NUDT3: variants seen among roughly 807,000 people sequenced by gnomAD.
NUDT3 encodes the protein diphosphoinositol polyphosphate phosphohydrolase 1.
In NUDT3, 9 loss-of-function variants were observed where a neutral mutation model predicts 23.6. That is an observed-to-expected ratio of 0.38 (90% CI 0.23 to 0.66). The LOEUF (loss-of-function observed/expected upper bound fraction) is 0.66, where lower values mean the gene tolerates loss of function less well. NUDT3 is among the 30% of genes least tolerant of loss of function. NUDT3 has a pLI of 0.52. For missense variants in NUDT3, 172 were observed against 218.5 expected (o/e 0.79, Z 1.34); for synonymous variants, 86 against 82.6 (o/e 1.04, Z -0.22).
rs1763274286 is a variant in NUDT3 at position 34,281,116 on chromosome 6, T to C, written c.*7637A>G. The C allele has an allele frequency of 6.6e-6, 1 of 152,180 alleles. No individual in the cohort carries two copies. 9.4% of individuals were successfully genotyped at this position (152,180 alleles called of 1,614,324 possible). On this transcript the variant is annotated 3_prime_UTR_variant, in exon 5 of 5. Coordinates refer to ENST00000607016, the MANE Select transcript of NUDT3 (RefSeq NM_006703.4). ...TTTATAAGTAGAATGGTCCCAGGGA[T>C]GTTAACCTTTCTGATGCTGATAGTA...
At chr6:34,330,103 T>C (rs932148557) in intron 2 of NUDT3, among the ~76,000 whole-genome samples, 4 of 152,242 alleles carry the variant, frequency 2.6e-5, no homozygotes, top group Non-Finnish European at 5.9e-5. Flanking sequence ...AGTGCTGCAA[T>C]AAACATACGT....
At chr6:34,322,527 T>C (rs1211011054) in intron 2 of NUDT3, among the ~76,000 whole-genome samples, 1 of 152,042 alleles carries the variant, frequency 6.6e-6, no homozygotes, top group East Asian at 1.9e-4. Context: ...CTGCGCCCGG[T>C]CACTGGACTC....
At chr6:34,370,915 C>A (rs1447934000) in intron 1 of NUDT3, among the ~76,000 whole-genome samples, 1 of 150,412 alleles carries the variant, frequency 6.6e-6, no homozygotes, top group Non-Finnish European at 1.5e-5. Flanking sequence ...ACCAGCCTAA[C>A]CAACATGGTG....
intron 2 of NUDT3, among the ~76,000 whole-genome samples, chr6:34,338,656 T>C (rs780393130): frequency 9.2e-5 from 14 of 152,216 alleles, no homozygotes; most frequent in Non-Finnish European, 1.6e-4. Context: ...ACAGCTTCAC[T>C]TTCCCACAGA....
At chr6:34,347,484 C>T (rs1764392826) in intron 1 of NUDT3, among the ~76,000 whole-genome samples, 1 of 152,196 alleles carries the variant, frequency 6.6e-6, no homozygotes, top group South Asian at 2.1e-4. Context: ...ATAGGTGGCT[C>T]TGCAGAGCAG....
chr6:34,340,534 G>A (rs1040279779), intron 2 of NUDT3, among the ~76,000 whole-genome samples: 1 of 152,126 alleles, frequency 6.6e-6, no homozygotes, highest in Admixed American at 6.6e-5. Flanking sequence ...GGATTCCCAC[G>A]TCAATGTTCT....
chr6:34,382,066 CT>C (rs1765028007), intron 1 of NUDT3, among the ~76,000 whole-genome samples: 1 of 109,726 alleles, frequency 9.1e-6, no homozygotes, highest in Non-Finnish European at 1.7e-5. Flanking sequence ...GAGCGAGACT[CT>C]ATCTCAAAAA....
Position 34,365,201 on chromosome 6 carries a change from G to A in NUDT3, c.100-23229C>T, listed in dbSNP as rs554554196. Reference sequence around the variant, plus strand: ...TCCCAGCACTTTGGGAGGCCAAGGCGGGTGGATCACCTGAAGCCAGGAGTC... The same window carrying A: ...TCCCAGCACTTTGGGAGGCCAAGGCAGGTGGATCACCTGAAGCCAGGAGTC... On this transcript the variant is annotated intron_variant, in intron 1 of 4. Coordinates refer to ENST00000607016, the MANE Select transcript of NUDT3 (RefSeq NM_006703.4). 1.3e-4 allele frequency among the ~76,000 whole-genome samples: 20 copies of A among 151,754 alleles called. No homozygotes were observed. The South Asian group carries it at 3.8e-3, about 28-fold the overall frequency.
chr6:34,358,292 C>CACACACACACACA (rs1561917553), intron 1 of NUDT3, among the ~76,000 whole-genome samples: 1 of 149,952 alleles, frequency 6.7e-6, no homozygotes, highest in Non-Finnish European at 1.5e-5. Flanking sequence ...CACACACACA[C>CACACACACACACA]CCCTTATAAT....
chr6:34,295,566 T>C (rs1763486564), intron 3 of NUDT3, 75 bp downstream of exon 3: 8 of 1,478,184 alleles, frequency 5.4e-6, no homozygotes, highest in Non-Finnish European at 7.4e-6. Context: ...GAAACAGAAA[T>C]GGCATTTTTC....
At position 34,373,197 on chromosome 6, in the gene NUDT3, T is replaced by A. The variant is rs1764861450; in HGVS notation, c.99+19067A>T. Reference sequence around the variant, plus strand: ...GAGAGGCTGAGGCAGGAGAATAGCATGAACCCAGGAGACGGAGTTTGCAGT... The same window carrying A: ...GAGAGGCTGAGGCAGGAGAATAGCAAGAACCCAGGAGACGGAGTTTGCAGT... On this transcript the variant is annotated intron_variant, in intron 1 of 4. Coordinates refer to ENST00000607016, the MANE Select transcript of NUDT3 (RefSeq NM_006703.4). Among the ~76,000 whole-genome samples the A allele has an allele frequency of 2.7e-5, 4 of 148,934 alleles. No individual in the cohort carries two copies. In the South Asian group the frequency reaches 8.4e-4, roughly 31 times the overall value.
chr6:34,294,498 G>A (rs1763469765), intron 3 of NUDT3, among the ~76,000 whole-genome samples: 1 of 151,952 alleles, frequency 6.6e-6, no homozygotes, highest in African/African-American at 2.4e-5. Context: ...AGGCCAAGGT[G>A]GGTGGATCAC....
rs893373299 is a variant in NUDT3 at position 34,392,628 on chromosome 6, G to A, written c.-266C>T. 12 of 250,820 alleles carry A rather than the reference G, an allele frequency of 4.8e-5. No individual in the cohort carries two copies. Among genetic ancestry groups the A allele is most frequent in the African/African-American group, 6.8e-5 (3 of 44,020 alleles). The allele number at this position is 250,820 out of a possible 1,614,324, so 15.5% of individuals were successfully genotyped here. On this transcript the variant is annotated 5_prime_UTR_variant, in exon 1 of 5. Coordinates refer to ENST00000607016, the MANE Select transcript of NUDT3 (RefSeq NM_006703.4). ...CCCCTCTGCCGCCGCCACCCCCGACGACGACCGCGCCGCCATCTTGGGCGC... is the reference window on the plus strand; with the variant it reads ...CCCCTCTGCCGCCGCCACCCCCGACAACGACCGCGCCGCCATCTTGGGCGC...
intron 2 of NUDT3, among the ~76,000 whole-genome samples, chr6:34,332,896 C>T (rs978929961): frequency 2.6e-5 from 4 of 152,160 alleles, no homozygotes; most frequent in African/African-American, 9.7e-5. Context: ...GAAGACAGAA[C>T]GGTTTCAGAC....
chr6:34,298,731 C>A (rs533787428), intron 2 of NUDT3, among the ~76,000 whole-genome samples: 49 of 152,184 alleles, frequency 3.2e-4, no homozygotes, highest in Non-Finnish European at 6.9e-4. Flanking sequence ...CAGGTGCATG[C>A]CACCACACAT....
intron 1 of NUDT3, among the ~76,000 whole-genome samples, chr6:34,386,965 A>C (rs1765116948): frequency 1.3e-5 from 2 of 152,190 alleles, no homozygotes; most frequent in African/African-American, 4.8e-5. Context: ...AAATACAAAA[A>C]TTAGCCAGGC....
At chr6:34,320,168 A>G (rs902351154) in intron 2 of NUDT3, among the ~76,000 whole-genome samples, 2 of 152,148 alleles carry the variant, frequency 1.3e-5, no homozygotes, top group African/African-American at 4.8e-5. Flanking sequence ...AAAAGGAAAT[A>G]TATCAAAATG....
At chr6:34,376,186 A>T (rs1048272099) in intron 1 of NUDT3, among the ~76,000 whole-genome samples, 1 of 151,896 alleles carries the variant, frequency 6.6e-6, no homozygotes, top group African/African-American at 2.4e-5. Flanking sequence ...CTAAATTTCC[A>T]TTTCTCCTGT....
chr6:34,378,013 A>T (rs368620903), intron 1 of NUDT3, among the ~76,000 whole-genome samples: 1 of 152,070 alleles, frequency 6.6e-6, no homozygotes, highest in East Asian at 1.9e-4. Context: ...TTACTACAAA[A>T]AGCGGAAAAA....
Sources: gnomAD v4.1 joint callset for allele counts (sites outside exome capture counted in the v4.1 genomes callset) on GRCh38, gnomAD v4.1.1 for gene constraint, MANE v1.5 for transcripts, NCBI Gene and HGNC (gene_info 2026-07-23, HGNC 2026-07-21) for gene names.